The following PTPRT variants were observed in gnomAD, a reference collection of about 807,000 sequenced individuals.
PTPRT encodes the protein protein tyrosine phosphatase receptor type T.
A neutral mutation model predicts 176.8 loss-of-function variants in PTPRT; 56 were observed. That is an observed-to-expected ratio of 0.32 (90% confidence interval 0.26 to 0.40). The LOEUF is 0.40. Among genes scored for constraint, PTPRT ranks in the 10% least tolerant of loss-of-function variants. The pLI, the probability that PTPRT is intolerant of heterozygous loss-of-function variation, is 1.00. For missense variants in PTPRT, 1,540 were observed against 1,908.2 expected (o/e 0.81, Z 3.60); for synonymous variants, 783 against 739.0 (o/e 1.06, Z -0.96).
chr20:42,543,923 T>G (rs761780905), intron 7 of PTPRT, among the ~76,000 whole-genome samples: 24 of 152,142 alleles, frequency 1.6e-4, no homozygotes, highest in Admixed American at 5.2e-4. Context: ...GTCTCAATAG[T>G]GGGCTTAAAA....
chr20:42,410,438 A>G lies in PTPRT; in HGVS notation c.1560+37782T>C, dbSNP rs2145734676. ...CACCACCAACAAAAATACATAAAAC[A>G]AAACTGAGAACTGGAAAGAGAAATA... is the stretch of plus-strand genomic sequence containing the variant. On this transcript the variant is annotated intron_variant, in intron 9 of 30. Coordinates refer to ENST00000373187, the MANE Select transcript of PTPRT (RefSeq NM_007050.6). Among the ~76,000 whole-genome samples, 2 of 152,292 alleles carry G rather than the reference A, an allele frequency of 1.3e-5. 1 individual carries two copies. The highest frequency in any genetic ancestry group is 4.1e-4 in the South Asian group (2 of 4,828).
intron 7 of PTPRT, among the ~76,000 whole-genome samples, chr20:42,568,768 G>A (rs923031148): frequency 1.1e-4 from 16 of 151,894 alleles, no homozygotes; most frequent in East Asian, 3.9e-4. Context: ...GAATTATTTC[G>A]GCTAGGCACG....
chr20:43,013,951 T>G (rs1040835042), intron 1 of PTPRT, among the ~76,000 whole-genome samples: 5 of 152,174 alleles, frequency 3.3e-5, no homozygotes, highest in Non-Finnish European at 4.4e-5. Flanking sequence ...TTGTGAGGAT[T>G]AAATGTGATA....
chr20:42,763,031 C>G, intron 5 of PTPRT, among the ~76,000 whole-genome samples: 1 of 152,188 alleles, frequency 6.6e-6, no homozygotes, highest in East Asian at 1.9e-4. Flanking sequence ...GTTCTGTCCC[C>G]AGCACAAGTG....
chr20:43,037,347 T>C (rs1489334644), intron 1 of PTPRT, among the ~76,000 whole-genome samples: 2 of 152,238 alleles, frequency 1.3e-5, no homozygotes, highest in African/African-American at 4.8e-5. Context: ...ATAACCGTTA[T>C]TCTAAAACTT....
At chr20:42,106,038 A>G (rs944533379) in intron 24 of PTPRT, among the ~76,000 whole-genome samples, 1 of 152,216 alleles carries the variant, frequency 6.6e-6, no homozygotes, top group South Asian at 2.1e-4. Flanking sequence ...TGGGGGTCAC[A>G]TGGACCGAAG....
intron 7 of PTPRT, among the ~76,000 whole-genome samples, chr20:42,524,741 C>T (rs566709964): frequency 1.3e-5 from 2 of 152,156 alleles, no homozygotes; most frequent in East Asian, 1.9e-4. Context: ...TTACAGAATA[C>T]ATATGTGAGA....
intron 2 of PTPRT, among the ~76,000 whole-genome samples, chr20:42,884,752 G>A (rs1275514607): frequency 6.6e-6 from 1 of 152,110 alleles, no homozygotes; most frequent in Non-Finnish European, 1.5e-5. Context: ...GTTAAAGTGA[G>A]GGAGCCTTTG....
At chr20:42,684,815 G>A (rs2075664156) in intron 6 of PTPRT, among the ~76,000 whole-genome samples, 1 of 152,128 alleles carries the variant, frequency 6.6e-6, no homozygotes, top group African/African-American at 2.4e-5. Context: ...TAAAAACTCT[G>A]GTTCCAGACT....
At chr20:42,464,297 C>G (rs1179318766) in intron 8 of PTPRT, among the ~76,000 whole-genome samples, 2 of 152,148 alleles carry the variant, frequency 1.3e-5, no homozygotes, top group Non-Finnish European at 2.9e-5. Context: ...GAGTGAACAA[C>G]ACAAAACAAA....
intron 1 of PTPRT, among the ~76,000 whole-genome samples, chr20:43,118,490 T>G (rs2013138517): frequency 6.6e-6 from 1 of 152,098 alleles, no homozygotes; most frequent in South Asian, 2.1e-4. Flanking sequence ...CAGGCTGGAG[T>G]GTACAGTGGC....
At chr20:42,989,025 A>AT (rs1333610907) in intron 1 of PTPRT, among the ~76,000 whole-genome samples, 1 of 152,260 alleles carries the variant, frequency 6.6e-6, no homozygotes, top group Non-Finnish European at 1.5e-5. Context: ...ATCACACAGC[A>AT]TATGACAGAG....
chr20:42,460,777 C>T (rs529655731), intron 8 of PTPRT, among the ~76,000 whole-genome samples: 4 of 152,256 alleles, frequency 2.6e-5, no homozygotes, highest in East Asian at 1.9e-4. Context: ...CCTTCTGCCA[C>T]GATTGTAAAT....
chr20:42,184,577 T>TTCTTCTTCTTCC (rs1990675987), intron 16 of PTPRT, among the ~76,000 whole-genome samples: 1 of 139,724 alleles, frequency 7.2e-6, no homozygotes, highest in African/African-American at 2.7e-5. Flanking sequence ...CTTCTTCTTC[T>TTCTTCTTCTTCC]TCTTCTTCTT....
At chr20:42,605,737 C>G (rs1278696435) in intron 7 of PTPRT, among the ~76,000 whole-genome samples, 1 of 152,184 alleles carries the variant, frequency 6.6e-6, no homozygotes, top group Non-Finnish European at 1.5e-5. Context: ...AATGTGGATA[C>G]CAGGAAACGG....
At chr20:42,549,318 A>C (rs1449160564) in intron 7 of PTPRT, among the ~76,000 whole-genome samples, 2 of 152,156 alleles carry the variant, frequency 1.3e-5, no homozygotes, top group African/African-American at 4.8e-5. Context: ...AAAAGGGTGA[A>C]GTAGAATGAG....
At chr20:42,737,944 T>A (rs2146284586) in intron 6 of PTPRT, among the ~76,000 whole-genome samples, 1 of 152,258 alleles carries the variant, frequency 6.6e-6, no homozygotes, top group Admixed American at 6.5e-5. Context: ...AAGTAGCTGG[T>A]GTTAGCCCGA....
At chr20:42,495,092 A>G (rs2071629820) in intron 7 of PTPRT, among the ~76,000 whole-genome samples, 1 of 152,128 alleles carries the variant, frequency 6.6e-6, no homozygotes, top group African/African-American at 2.4e-5. Flanking sequence ...TCTGAGTGTT[A>G]GACTCATAAA....
At chr20:42,627,259 T>A (rs2074308731) in intron 7 of PTPRT, among the ~76,000 whole-genome samples, 2 of 149,914 alleles carry the variant, frequency 1.3e-5, no homozygotes, top group African/African-American at 4.8e-5. Flanking sequence ...TGTTTTTCCA[T>A]GTTTCTTTCT....
Sources: allele counts gnomAD v4.1 joint callset (sites outside exome capture counted in the v4.1 genomes callset), GRCh38; gene constraint gnomAD v4.1.1; transcripts MANE v1.5; gene names NCBI Gene and HGNC (gene_info 2026-07-23, HGNC 2026-07-21).